Variants in SASH1 observed in about 807,000 individuals in gnomAD.
SASH1 encodes SAM and SH3 domain containing 1, also known as SAM and SH3 domain-containing protein 1.
Under a neutral mutation model 125.2 loss-of-function variants are expected in SASH1, and 44 were observed. That is an observed-to-expected ratio of 0.35 (90% confidence interval 0.28 to 0.45). The LOEUF (loss-of-function observed/expected upper bound fraction) is 0.45, where lower values mean the gene tolerates loss of function less well. Ranked by LOEUF, SASH1 falls within the 20% of genes least tolerant of loss-of-function variation. The probability of loss-of-function intolerance (pLI) is 1.00; values close to 1 mark genes in which losing one functional copy is unlikely to be tolerated. For missense variants in SASH1, 1,426 were observed against 1,614.5 expected (o/e 0.88, Z 2.00); for synonymous variants, 639 against 649.1 (o/e 0.98, Z 0.24).
chr6:148,245,815 G>A, the SASH1 span, among the ~76,000 whole-genome samples: 3 of 151,722 alleles, frequency 2.0e-5, no homozygotes, highest in East Asian at 1.9e-4. Context: ...GTGAAACCCC[G>A]TCTGTACTAA....
chr6:148,524,121 A>ATATATATATTT (rs1193506716), intron 10 of SASH1, among the ~76,000 whole-genome samples: 91 of 128,574 alleles, frequency 7.1e-4, no homozygotes, highest in South Asian at 2.4e-3. Context: ...ATATATATAT[A>ATATATATATTT]TTTTTTTTAA....
chr6:148,509,780 GT>G (rs1780013991), intron 8 of SASH1, among the ~76,000 whole-genome samples: 1 of 152,236 alleles, frequency 6.6e-6, no homozygotes, highest in Non-Finnish European at 1.5e-5. Flanking sequence ...GCACACAAAT[GT>G]TTGTACTCAC....
chr6:148,486,130 T>C (rs1049612564), intron 7 of SASH1, among the ~76,000 whole-genome samples: 1 of 152,200 alleles, frequency 6.6e-6, no homozygotes, highest in Non-Finnish European at 1.5e-5. Context: ...TTCTTTCCTT[T>C]CTTTCTTTCC....
chr6:148,407,632 AT>A (rs1562386854), intron 2 of SASH1, among the ~76,000 whole-genome samples: 2 of 151,884 alleles, frequency 1.3e-5, no homozygotes, highest in African/African-American at 4.8e-5. Context: ...TCTACTTTTA[AT>A]TTTTTTGTTT....
intron 1 of SASH1, among the ~76,000 whole-genome samples, chr6:148,365,243 C>T (rs1204857927): frequency 6.6e-6 from 1 of 152,124 alleles, no homozygotes; most frequent in East Asian, 1.9e-4. Context: ...TGATTTACAA[C>T]CCATGATTGC....
At chr6:148,356,070 G>GTTTT (rs200129121) in intron 1 of SASH1, among the ~76,000 whole-genome samples, 23 of 139,784 alleles carry the variant, frequency 1.6e-4, no homozygotes, top group South Asian at 2.2e-4. Flanking sequence ...GTATCATTCT[G>GTTTT]TTTTTTTTTT....
intron 4 of SASH1, among the ~76,000 whole-genome samples, chr6:148,458,021 T>C (rs138517566): frequency 3.9e-5 from 6 of 152,340 alleles, no homozygotes; most frequent in African/African-American, 9.6e-5. Context: ...CAAACTGTTA[T>C]GATTATATTC....
chr6:148,374,207 A>T (rs566878508), intron 1 of SASH1, among the ~76,000 whole-genome samples: 3 of 152,226 alleles, frequency 2.0e-5, no homozygotes, highest in Non-Finnish European at 4.4e-5. Context: ...CGAGAAGCAT[A>T]AACAAGTTTG....
At chr6:148,511,420 G>A (rs1780130327) in intron 8 of SASH1, among the ~76,000 whole-genome samples, 2 of 151,262 alleles carry the variant, frequency 1.3e-5, no homozygotes, top group Middle Eastern at 3.4e-3. Context: ...CGTATAAATT[G>A]TGCCGCATCT....
the SASH1 span, among the ~76,000 whole-genome samples, chr6:148,194,133 C>T: frequency 6.6e-6 from 1 of 152,186 alleles, no homozygotes; most frequent in Non-Finnish European, 1.5e-5. Context: ...GCCATTTTCC[C>T]TTTATGTGAC....
chr6:148,524,117 A>ATTTT (rs200904196), intron 10 of SASH1, among the ~76,000 whole-genome samples: 99 of 95,288 alleles, frequency 1.0e-3, no homozygotes, highest in African/African-American at 4.3e-3. Flanking sequence ...ATATATATAT[A>ATTTT]TATATTTTTT....
At chr6:148,420,046 A>G (rs1475755737) in intron 2 of SASH1, among the ~76,000 whole-genome samples, 1 of 152,222 alleles carries the variant, frequency 6.6e-6, no homozygotes, top group Non-Finnish European at 1.5e-5. Flanking sequence ...GTAAAAAAGA[A>G]GTGTGTGCGT....
At chr6:148,513,490 A>G (rs1780268476) in intron 8 of SASH1, 1 of 985,254 alleles carries the variant, frequency 1.0e-6, no homozygotes, top group African/African-American at 1.7e-5. Context: ...TAGAAATGAA[A>G]CCCTCATTTT....
chr6:148,533,918 C>T lies in SASH1; in HGVS notation c.1882C>T (p.Arg628Trp), dbSNP rs1002112949. The change falls in exon 15 of 20, where the codon CGG (arginine) becomes TGG (tryptophan). Residue 628 changes from arginine to tryptophan, a missense_variant. This residue lies in a region of SASH1 where 225 missense variants were observed against 344.5 expected (regional missense o/e 0.65). Coordinates refer to ENST00000367467, the MANE Select transcript of SASH1 (RefSeq NM_015278.5). The surrounding 1 kb of genome is among the most constrained non-coding windows in gnomAD (Gnocchi z 6.2). ...EKPKRPTRRR[R>W]KGRPPQPKSV... ...ACCCAAACGCCCCACCAGGAGGCGT[C>T]GGAAAGGACGACCACCCCAGCCCAA... is the stretch of plus-strand genomic sequence containing the variant. The T allele has an allele frequency of 4.3e-6, 7 of 1,613,880 alleles. No individual in the cohort carries two copies. The highest frequency in any genetic ancestry group is 1.7e-5 in the Admixed American group (1 of 59,996).
chr6:148,352,943 C>T lies in SASH1; in HGVS notation c.156+9720C>T, dbSNP rs1214078725. On this transcript the variant is annotated intron_variant, in intron 1 of 19. Coordinates refer to ENST00000367467, the MANE Select transcript of SASH1 (RefSeq NM_015278.5). The stretch of plus-strand genomic sequence containing the variant: ...TGAGATTGTGCTACTGTACGCCAGC[C>T]CGGGTGACAGAGCAAGTCTCTGTCT... Among the ~76,000 whole-genome samples, 202 of 151,928 alleles carry T rather than the reference C, an allele frequency of 1.3e-3. 3 individuals are homozygous for T. Among genetic ancestry groups the T allele is most frequent in the Non-Finnish European group, 1.8e-4 (12 of 67,954 alleles).
chr6:148,452,470 C>T (rs1741294562), intron 4 of SASH1, among the ~76,000 whole-genome samples: 1 of 152,248 alleles, frequency 6.6e-6, no homozygotes, highest in Non-Finnish European at 1.5e-5. Context: ...TTAGCTTGGA[C>T]TCTGCATATC....
intron 1 of SASH1, among the ~76,000 whole-genome samples, chr6:148,295,248 A>G (rs1779737200): frequency 6.6e-6 from 1 of 152,138 alleles, no homozygotes; most frequent in Non-Finnish European, 1.5e-5. Context: ...CCTAGTCTTG[A>G]TGCTGCAGTT....
rs67278438 is a variant in SASH1 at position 148,360,636 on chromosome 6, A to ACCCCCC, written c.156+17415_156+17420dup. On this transcript the variant is annotated intron_variant, in intron 1 of 19. Transcript: ENST00000367467. ...AGTGTTGGGATTACAGGCGTGAGCC[A>ACCCCCC]CCCCCCCGCCAGGCTTTAAAGCCTT... 7.0e-5 allele frequency among the ~76,000 whole-genome samples: 9 copies of ACCCCCC among 127,852 alleles called. 1 individual carries two copies. Among genetic ancestry groups the ACCCCCC allele is most frequent in the East Asian group, 4.7e-4 (2 of 4,234 alleles). 83.9% of individuals were successfully genotyped at this position (127,852 alleles called of 152,430 possible).
the SASH1 span, among the ~76,000 whole-genome samples, chr6:148,256,203 A>G: frequency 6.6e-6 from 1 of 152,224 alleles, no homozygotes; most frequent in Non-Finnish European, 1.5e-5. Context: ...GTAACTTGAC[A>G]GTGTTAACAC....
Sources: allele counts gnomAD v4.1 joint callset (sites outside exome capture counted in the v4.1 genomes callset), GRCh38; gene constraint gnomAD v4.1.1; regional missense constraint gnomAD v4.1.1; non-coding constraint Gnocchi (gnomAD v3.1); transcripts MANE v1.5; gene names NCBI Gene and HGNC (gene_info 2026-07-23, HGNC 2026-07-21).